The following AGMO variants were observed in gnomAD, a reference collection of about 807,000 sequenced individuals.
The protein encoded by AGMO is glyceryl-ether monooxygenase.
A neutral mutation model predicts 60.2 loss-of-function variants in AGMO; 75 were observed. That is an observed-to-expected ratio of 1.25 (90% CI 1.03 to 1.51). The LOEUF (loss-of-function observed/expected upper bound fraction) is 1.51, where lower values mean the gene tolerates loss of function less well. Among genes scored for constraint, AGMO ranks in the 40% most tolerant of loss-of-function variants. The pLI is 0.00. For synonymous variants in AGMO, 261 were observed against 177.1 expected (o/e 1.47, Z -3.76); for missense variants, 763 against 525.5 (o/e 1.45, Z -4.42).
At chr7:15,435,957 A>G (rs1781387480) in intron 3 of AGMO, among the ~76,000 whole-genome samples, 1 of 152,200 alleles carries the variant, frequency 6.6e-6, no homozygotes, top group Admixed American at 6.5e-5. Context: ...TCTACAAGAA[A>G]TTTTCACAGA....
intron 5 of AGMO, among the ~76,000 whole-genome samples, chr7:15,412,607 G>A (rs1263020047): frequency 6.6e-6 from 1 of 150,694 alleles, no homozygotes; most frequent in South Asian, 2.1e-4. Flanking sequence ...GCTGTCTGGT[G>A]CTAGCAAAAG....
In AGMO at chr7:15,561,797, GA is replaced by G; in HGVS notation, c.48del (p.Arg17AlafsTer7). ...GGTTTCATCGTGTAAAACAACATGCGAAATCCCTGGGAAACTGAAACATCCT... is the reference window on the plus strand; with the variant it reads ...GGTTTCATCGTGTAAAACAACATGCGAATCCCTGGGAAACTGAAACATCCT... ...AQQDVSVSQG[F>X]RMLFYTMKPS... On this transcript the variant is annotated frameshift_variant, in exon 1 of 13. Transcript: ENST00000342526. LOFTEE classifies it high-confidence loss of function. The G allele has an allele frequency of 6.2e-7, 1 of 1,610,598 alleles. No individual in the cohort carries two copies. The highest frequency in any genetic ancestry group is 8.5e-7 in the Non-Finnish European group (1 of 1,177,784).
intron 12 of AGMO, among the ~76,000 whole-genome samples, chr7:15,348,494 C>A (rs544346740): frequency 6.6e-6 from 1 of 151,984 alleles, no homozygotes; most frequent in Non-Finnish European, 1.5e-5. Context: ...ATTTGAAAAT[C>A]TTAAGTAAAA....
At chr7:15,484,642 A>G (rs994542800) in intron 3 of AGMO, among the ~76,000 whole-genome samples, 8 of 152,230 alleles carry the variant, frequency 5.3e-5, no homozygotes, top group Admixed American at 3.3e-4. Context: ...GACAAAAAAC[A>G]ATCTTTCACC....
At chr7:15,397,061 G>C (rs112125158) in intron 5 of AGMO, among the ~76,000 whole-genome samples, 1 of 152,128 alleles carries the variant, frequency 6.6e-6, no homozygotes, top group Non-Finnish European at 1.5e-5. Context: ...ACCGGTCCCA[G>C]AAGCCCAGTT....
rs756275907 is a variant in AGMO, at chr7:15,314,287, C to T, written c.1263+51227G>A. ...TTTTTCATTTAATATTTTTGTAGCA[C>T]AGTTGATCATGGTAACTGAAACCAC... On this transcript the variant is annotated intron_variant, in intron 12 of 12. Transcript: ENST00000342526. Among the ~76,000 whole-genome samples the T allele has an allele frequency of 5.9e-5, 9 of 152,096 alleles. No homozygotes were observed. The East Asian group carries it at 1.7e-3, about 29-fold the overall frequency.
intron 3 of AGMO, among the ~76,000 whole-genome samples, chr7:15,506,471 C>T (rs902147448): frequency 1.1e-4 from 16 of 152,052 alleles, no homozygotes; most frequent in Admixed American, 5.9e-4. Context: ...TTCCATACAT[C>T]GGCATTATTC....
chr7:15,361,829 G>A (rs985959255), intron 12 of AGMO, among the ~76,000 whole-genome samples: 2 of 152,080 alleles, frequency 1.3e-5, no homozygotes, highest in Admixed American at 1.3e-4. Flanking sequence ...CTATTACCAT[G>A]CAGACTTACT....
chr7:15,362,786 GT>G (rs1406551107), intron 12 of AGMO, among the ~76,000 whole-genome samples: 1 of 152,182 alleles, frequency 6.6e-6, no homozygotes, highest in Non-Finnish European at 1.5e-5. Flanking sequence ...TTCTTTTGCA[GT>G]TAAATTGATA....
intron 3 of AGMO, among the ~76,000 whole-genome samples, chr7:15,536,000 C>T (rs1212550708): frequency 6.6e-6 from 1 of 151,694 alleles, no homozygotes; most frequent in Non-Finnish European, 1.5e-5. Context: ...TAGAGTTATT[C>T]TGGGAATTAA....
the AGMO span, among the ~76,000 whole-genome samples, chr7:15,166,468 C>A: frequency 1.3e-5 from 2 of 152,158 alleles, no homozygotes; most frequent in African/African-American, 4.8e-5. Flanking sequence ...ATCCATCATA[C>A]AATGTCCCTT....
At position 15,561,969 on chromosome 7, in the gene AGMO, C is replaced by G; in HGVS notation, c.-124G>C. The stretch of plus-strand genomic sequence containing the variant: ...CTCTTTGTCAGAGAACAGCTAAAAC[C>G]AAAGCTCCACTGAGAGCACACTCAA... On this transcript the variant is annotated 5_prime_UTR_variant, in exon 1 of 13. Transcript: ENST00000342526. The G allele has an allele frequency of 1.0e-6, 1 of 977,946 alleles. No homozygotes were observed. The highest frequency in any genetic ancestry group is 2.6e-5 in the East Asian group (1 of 37,984). 60.6% of individuals were successfully genotyped at this position (977,946 alleles called of 1,614,324 possible).
chr7:15,483,193 G>C (rs1401924807), intron 3 of AGMO, among the ~76,000 whole-genome samples: 1 of 152,036 alleles, frequency 6.6e-6, no homozygotes, highest in Admixed American at 6.6e-5. Flanking sequence ...TAAGGCCATT[G>C]AATACAAGTT....
At chr7:15,453,687 G>C (rs1781914964) in intron 3 of AGMO, among the ~76,000 whole-genome samples, 1 of 152,088 alleles carries the variant, frequency 6.6e-6, no homozygotes, top group Non-Finnish European at 1.5e-5. Context: ...AGAACAATGA[G>C]CACTCCTGCA....
At chr7:15,177,111 T>C in the AGMO span, among the ~76,000 whole-genome samples, 1 of 66,826 alleles carries the variant, frequency 1.5e-5, no homozygotes, top group South Asian at 4.5e-4. Flanking sequence ...GGAAAAAACA[T>C]GATTTAAAAA....
intron 3 of AGMO, among the ~76,000 whole-genome samples, chr7:15,488,118 C>G (rs1782970052): frequency 6.6e-6 from 1 of 152,084 alleles, no homozygotes; most frequent in Non-Finnish European, 1.5e-5. Flanking sequence ...ATAAAGCCAC[C>G]AAGTTTATTG....
At chr7:15,317,954 C>CTATA (rs56387330) in intron 12 of AGMO, among the ~76,000 whole-genome samples, 2 of 140,672 alleles carry the variant, frequency 1.4e-5, no homozygotes, top group African/African-American at 2.7e-5. Flanking sequence ...CACACACACA[C>CTATA]TATATATATA....
chr7:15,396,608 T>G (rs540196693), intron 5 of AGMO: 1 of 152,230 alleles, frequency 6.6e-6, no homozygotes, highest in Admixed American at 6.6e-5. Context: ...TTTTATTCCC[T>G]TATCCGGCCC....
chr7:15,360,614 T>A (rs1464864886), intron 12 of AGMO, among the ~76,000 whole-genome samples: 1 of 152,104 alleles, frequency 6.6e-6, no homozygotes, highest in Non-Finnish European at 1.5e-5. Context: ...TTGGCCTTGC[T>A]ATCTCAGGAG....
Sources: gnomAD v4.1 joint callset for allele counts (sites outside exome capture counted in the v4.1 genomes callset) on GRCh38, gnomAD v4.1.1 for gene constraint, MANE v1.5 for transcripts, NCBI Gene and HGNC (gene_info 2026-07-23, HGNC 2026-07-21) for gene names.